Variants in DMD observed in about 807,000 individuals in gnomAD.
DMD encodes the protein mutant dystrophin.
In DMD, 63 loss-of-function variants were observed where a neutral mutation model predicts 330.1. The ratio of observed to expected loss-of-function variants is 0.19; its 90% CI spans 0.16 to 0.24. The LOEUF (loss-of-function observed/expected upper bound fraction) is 0.24, where lower values mean the gene tolerates loss of function less well. Ranked by LOEUF, DMD falls within the 10% of genes least tolerant of loss-of-function variation. The probability of loss-of-function intolerance (pLI) is 1.00; values close to 1 mark genes in which losing one functional copy is unlikely to be tolerated. For missense variants in DMD, 3,344 were observed against 2,684.1 expected (o/e 1.25, Z -5.43); for synonymous variants, 1,223 against 959.8 (o/e 1.27, Z -5.07).
At chrX:31,842,584 T>C (rs1171364519) in intron 48 of DMD, among the ~76,000 whole-genome samples, 2 of 112,110 alleles carry the variant, frequency 1.8e-5, no homozygotes, top group Admixed American at 1.9e-4. Flanking sequence ...CTCCAACCTT[T>C]CAACAGTTAC....
chrX:32,926,510 G>A (rs2089024835), intron 2 of DMD, among the ~76,000 whole-genome samples: 1 of 111,478 alleles, frequency 9.0e-6, no homozygotes, highest in African/African-American at 3.3e-5. Context: ...AGTACTTTGG[G>A]AGGCGGAAGC....
intron 44 of DMD, among the ~76,000 whole-genome samples, chrX:32,044,860 G>C (rs1229838447): frequency 8.9e-6 from 1 of 112,149 alleles, no homozygotes; most frequent in Non-Finnish European, 1.9e-5. Flanking sequence ...ATTATGACAA[G>C]GCAGTGATTT....
intron 7 of DMD, among the ~76,000 whole-genome samples, chrX:32,727,083 T>C (rs1396064651): frequency 6.3e-5 from 7 of 111,194 alleles, no homozygotes; most frequent in Non-Finnish European, 1.1e-4. Flanking sequence ...CTGATGCTTC[T>C]TTAATGTGAC....
intron 50 of DMD, among the ~76,000 whole-genome samples, chrX:31,814,486 A>C (rs2092563680): frequency 2.2e-5 from 1 of 45,729 alleles, no homozygotes; most frequent in African/African-American, 8.6e-5. Context: ...CCGTCTCAAA[A>C]AAAAAAAAAA....
chrX:31,281,524 T>C (rs1161913327), intron 62 of DMD, among the ~76,000 whole-genome samples: 1 of 110,164 alleles, frequency 9.1e-6, no homozygotes. Flanking sequence ...ATCAAACTTA[T>C]TGGTTTGTAA....
chrX:32,254,600 T>A (rs1052502954), intron 43 of DMD, among the ~76,000 whole-genome samples: 1 of 111,846 alleles, frequency 8.9e-6, no homozygotes, highest in African/African-American at 3.3e-5. Flanking sequence ...AAAAGTGATT[T>A]AATAAGTAAG....
chrX:33,082,298 C>T (rs1282199956), intron 1 of DMD, among the ~76,000 whole-genome samples: 2 of 111,883 alleles, frequency 1.8e-5, no homozygotes, highest in Non-Finnish European at 3.8e-5. Flanking sequence ...TTTAGCCATG[C>T]CAAGTGGACA....
intron 48 of DMD, among the ~76,000 whole-genome samples, chrX:31,849,511 C>T (rs5927885): frequency 0.29 from 31,197 of 109,410 alleles, 3,823 homozygotes; most frequent in East Asian, 0.47. Context: ...CAAGAGGGAA[C>T]ATGGAACATG....
intron 52 of DMD, among the ~76,000 whole-genome samples, chrX:31,693,877 C>G (rs1040996614): frequency 5.4e-5 from 6 of 111,688 alleles, no homozygotes; most frequent in African/African-American, 1.9e-4. Flanking sequence ...CTAACAAAAT[C>G]TGCATATTGT....
chrX:33,280,846 A>T (rs942462963), intron 1 of DMD, among the ~76,000 whole-genome samples: 1 of 112,005 alleles, frequency 8.9e-6, no homozygotes, highest in Non-Finnish European at 1.9e-5. Context: ...TATATAATTA[A>T]CTTTAACAAC....
chrX:31,885,557 C>T (rs1301925551), intron 47 of DMD, among the ~76,000 whole-genome samples: 5 of 100,290 alleles, frequency 5.0e-5, no homozygotes, highest in Non-Finnish European at 9.9e-5. Flanking sequence ...TTGCAGTGAG[C>T]CGAGATCGCG....
intron 9 of DMD, among the ~76,000 whole-genome samples, chrX:32,667,073 A>G (rs1025049694): frequency 9.0e-6 from 1 of 111,364 alleles, no homozygotes; most frequent in African/African-American, 3.3e-5. Context: ...ATGCAATTGA[A>G]TATTATTCAG....
intron 47 of DMD, among the ~76,000 whole-genome samples, chrX:31,875,988 G>C (rs1308996222): frequency 8.9e-6 from 1 of 112,664 alleles, no homozygotes; most frequent in Non-Finnish European, 1.9e-5. Flanking sequence ...AGGAAAATTG[G>C]TAAGTTATGC....
At chrX:33,026,299 A>G (rs7884242) in intron 1 of DMD, among the ~76,000 whole-genome samples, 7,646 of 80,144 alleles carry the variant, frequency 0.095, 536 homozygotes, top group East Asian at 0.31. Context: ...TGGGGGACAG[A>G]GGAGACTCCG....
At position 32,253,325 on chromosome X, in the gene DMD, T is replaced by G. The variant is rs143863997; in HGVS notation, c.6290+34204A>C. Among the ~76,000 whole-genome samples the G allele has an allele frequency of 3.2e-4, 36 of 110,896 alleles. 1 individual carries two copies. The East Asian group carries it at 9.2e-3, about 28-fold the overall frequency. On this transcript the variant is annotated intron_variant, in intron 43 of 78. Transcript: ENST00000357033. ...GGTCACTTAGCTGACTGAAACAGCT[T>G]CTCTCTTTGTAGGAAGTTTAAGTTC...
intron 1 of DMD, among the ~76,000 whole-genome samples, chrX:33,031,016 A>G (rs1258259662): frequency 9.0e-6 from 1 of 111,480 alleles, no homozygotes; most frequent in Non-Finnish European, 1.9e-5. Context: ...TACACTATGG[A>G]GTAAAGGTTA....
intron 44 of DMD, among the ~76,000 whole-genome samples, chrX:32,043,782 C>A (rs143956403): frequency 0.02 from 2,189 of 111,749 alleles, 60 homozygotes; most frequent in African/African-American, 0.067. Context: ...ATGCCCAAAG[C>A]CCATGTATTT....
intron 41 of DMD, among the ~76,000 whole-genome samples, chrX:32,316,413 T>C (rs1450253114): frequency 9.0e-6 from 1 of 111,407 alleles, no homozygotes; most frequent in East Asian, 2.8e-4. Context: ...AGTTCAGCTA[T>C]ACGTTATAAA....
chrX:32,352,047 C>T (rs1603631430), intron 37 of DMD, among the ~76,000 whole-genome samples: 2 of 110,812 alleles, frequency 1.8e-5, no homozygotes, highest in East Asian at 5.6e-4. Context: ...TGTGTAGTTT[C>T]AAAGTGATTA....
Sources: gnomAD v4.1 joint callset for allele counts (sites outside exome capture counted in the v4.1 genomes callset) on GRCh38, gnomAD v4.1.1 for gene constraint, MANE v1.5 for transcripts, NCBI Gene and HGNC (gene_info 2026-07-23, HGNC 2026-07-21) for gene names.